FAR2: variants seen among roughly 807,000 people sequenced by gnomAD.
FAR2 encodes epididymis secretory protein Li 81.
Under a neutral mutation model 56.0 loss-of-function variants are expected in FAR2, and 19 were observed. The observed-to-expected ratio is 0.34, with a 90% CI of 0.24 to 0.50. The LOEUF (loss-of-function observed/expected upper bound fraction) is 0.50. Among genes scored for constraint, FAR2 ranks in the 20% least tolerant of loss-of-function variants. The pLI is 0.98. For synonymous variants in FAR2, 219 were observed against 218.8 expected, an observed-to-expected ratio of 1.00 and a Z score of -0.01; for missense variants, 508 against 642.2, an observed-to-expected ratio of 0.79 and a Z score of 2.26.
At position 29,270,547 on chromosome 12, in the gene FAR2, C is replaced by A. The variant is rs200649323; in HGVS notation, c.98C>A (p.Thr33Asn). 7 of 1,613,970 alleles carry A rather than the reference C, an allele frequency of 4.3e-6. No homozygotes were observed. The highest frequency in any genetic ancestry group is 1.7e-5 in the Admixed American group (1 of 60,012). The change falls in exon 2 of 12, where the codon ACC (threonine) becomes AAC (asparagine). Residue 33 changes from threonine (T) to asparagine (N), a missense_variant. Coordinates refer to ENST00000536681, the MANE Select transcript of FAR2 (RefSeq NM_001271783.2). ...GKVLMEKLFR[T>N]SPDLKVIYIL... Reference sequence around the variant, plus strand: ...GTGCTGATGGAGAAGCTGTTTCGCACCAGCCCAGACCTGAAAGTCATTTAC... The same window carrying A: ...GTGCTGATGGAGAAGCTGTTTCGCAACAGCCCAGACCTGAAAGTCATTTAC...
At chr12:29,281,794 G>A (rs1434638760) in intron 2 of FAR2, among the ~76,000 whole-genome samples, 1 of 151,638 alleles carries the variant, frequency 6.6e-6, no homozygotes, top group Non-Finnish European at 1.5e-5. Flanking sequence ...AATAAGTGTT[G>A]GCTGAGTGCC....
chr12:29,230,332 G>T (rs118112903), intron 1 of FAR2, among the ~76,000 whole-genome samples: 1 of 151,972 alleles, frequency 6.6e-6, no homozygotes, highest in Non-Finnish European at 1.5e-5. Context: ...CCTCTGGGTA[G>T]GGGGAGGAGT....
chr12:29,270,461 T>A lies in FAR2; in HGVS notation c.12T>A (p.Ile4=). MST[I]AAFYGGKSIL... ...GAAAGGGAGGAATCATGTCCACAATTGCAGCTTTCTATGGCGGCAAGTCCA... is the reference window on the plus strand; with the variant it reads ...GAAAGGGAGGAATCATGTCCACAATAGCAGCTTTCTATGGCGGCAAGTCCA... The change falls in exon 2 of 12, where the codon ATT becomes ATA. Residue 4 remains isoleucine (I), a synonymous_variant. Coordinates refer to ENST00000536681, the MANE Select transcript of FAR2 (RefSeq NM_001271783.2). The A allele has an allele frequency of 6.3e-7, 1 of 1,586,090 alleles. No homozygotes were observed. Among genetic ancestry groups the A allele is most frequent in the Non-Finnish European group, 8.6e-7 (1 of 1,160,456 alleles).
At chr12:29,164,574 C>T (rs770117801) in intron 1 of FAR2, among the ~76,000 whole-genome samples, 34 of 152,026 alleles carry the variant, frequency 2.2e-4, no homozygotes, top group Non-Finnish European at 3.7e-4. Flanking sequence ...CTGGACACCC[C>T]GGCTGGCCCT....
chr12:29,314,136 T>A (rs767298660), intron 8 of FAR2, among the ~76,000 whole-genome samples: 1 of 152,210 alleles, frequency 6.6e-6, no homozygotes, highest in Admixed American at 6.5e-5. Flanking sequence ...AATTGCCAAA[T>A]TAAACTTTCT....
intron 1 of FAR2, among the ~76,000 whole-genome samples, chr12:29,190,508 A>T (rs867732888): frequency 6.6e-6 from 1 of 152,146 alleles, no homozygotes. Context: ...CTTGTTGCCC[A>T]TGCTGGAGTG....
intron 1 of FAR2, 81 bp from the exon 2 acceptor site, chr12:29,270,331 A>T: frequency 9.0e-7 from 1 of 1,111,708 alleles, no homozygotes; most frequent in Non-Finnish European, 1.2e-6. Context: ...AAGCTCTTGG[A>T]AGCAACAGAA....
intron 2 of FAR2, 148 bp from the exon 3 acceptor site, chr12:29,293,152 C>A (rs1721142701): frequency 1.6e-6 from 1 of 606,116 alleles, no homozygotes; most frequent in Non-Finnish European, 2.6e-6. Context: ...CAGGCATATG[C>A]CACCATGCCC....
At chr12:29,265,538 A>G (rs745996268) in intron 1 of FAR2, among the ~76,000 whole-genome samples, 1 of 152,238 alleles carries the variant, frequency 6.6e-6, no homozygotes, top group Non-Finnish European at 1.5e-5. Flanking sequence ...AAATTGGATT[A>G]AAAACTTAAA....
intron 1 of FAR2, chr12:29,157,106 T>TTATATATATATATATATA (rs5797307): frequency 9.5e-5 from 7 of 73,450 alleles, no homozygotes; most frequent in Non-Finnish European, 1.5e-4. Context: ...AAAGAACATT[T>TTATATATATATATATATA]TATATATATA....
chr12:29,203,995 ATC>A lies in FAR2; in HGVS notation c.-39+54591_-39+54592del, dbSNP rs1301725835. On this transcript the variant is annotated intron_variant, in intron 1 of 11. Transcript: ENST00000536681. The stretch of plus-strand genomic sequence containing the variant: ...AGCCTGGGAGAGAGAGTGAGATTCC[ATC>A]TCAAAAAAAAAAAAAAAAAAAAAAA... Among the ~76,000 whole-genome samples the A allele has an allele frequency of 6.8e-3, 571 of 84,564 alleles. 7 individuals carry two copies. Among genetic ancestry groups the A allele is most frequent in the South Asian group, 0.016 (37 of 2,256 alleles). The allele number at this position is 84,564 out of a possible 152,430, so 55.5% of individuals were successfully genotyped here. A position where few individuals can be genotyped will look rare whatever the true frequency, so the allele number is the denominator to read the frequency against.
At chr12:29,220,456 T>C (rs919745799) in intron 1 of FAR2, among the ~76,000 whole-genome samples, 2 of 152,228 alleles carry the variant, frequency 1.3e-5, no homozygotes, top group South Asian at 4.1e-4. Flanking sequence ...TACGTTTCTC[T>C]ATTAATTTAA....
At chr12:29,274,313 G>C (rs1361552776) in intron 2 of FAR2, among the ~76,000 whole-genome samples, 2 of 150,788 alleles carry the variant, frequency 1.3e-5, no homozygotes, top group Admixed American at 6.6e-5. Context: ...TTGTCCTTGT[G>C]ATAGTTTGCT....
At chr12:29,303,562 T>C (rs7957339) in intron 4 of FAR2, among the ~76,000 whole-genome samples, 46,992 of 151,994 alleles carry the variant, frequency 0.31, 7,363 homozygotes, top group East Asian at 0.35. Context: ...AGGGTGCAGG[T>C]GTGAGAGGCA....
intron 1 of FAR2, among the ~76,000 whole-genome samples, chr12:29,259,742 C>G (rs543771031): frequency 1.3e-5 from 2 of 152,186 alleles, no homozygotes; most frequent in Non-Finnish European, 2.9e-5. Context: ...TGCTAACCCC[C>G]ATGCCTAGAC....
intron 1 of FAR2, among the ~76,000 whole-genome samples, chr12:29,149,672 G>A (rs1268377457): frequency 1.3e-5 from 2 of 152,236 alleles, no homozygotes; most frequent in African/African-American, 2.4e-5. Flanking sequence ...GCCCGCCAAG[G>A]TGGGGCGCGC....
rs375769264 is a variant in FAR2, at chr12:29,270,657, C to T, written c.189+19C>T. The T allele has an allele frequency of 2.1e-5, 34 of 1,581,980 alleles. No individual in the cohort carries two copies. Among genetic ancestry groups the T allele is most frequent in the Admixed American group, 1.0e-4 (6 of 58,352 alleles). On this transcript the variant is annotated intron_variant, in intron 2 of 11. Coordinates refer to ENST00000536681, the MANE Select transcript of FAR2 (RefSeq NM_001271783.2). The stretch of plus-strand genomic sequence containing the variant: ...CAGTAAGGTATGCCTTATAGGAAAG[C>T]GTGTGTGATGGGCAATGCCTTAGGG...
chr12:29,296,036 G>A (rs1410162748), intron 3 of FAR2, among the ~76,000 whole-genome samples: 1 of 151,976 alleles, frequency 6.6e-6, no homozygotes, highest in Non-Finnish European at 1.5e-5. Context: ...CCAAAGTGCT[G>A]GGATTACAGG....
intron 2 of FAR2, among the ~76,000 whole-genome samples, chr12:29,284,885 A>AG (rs1282269447): frequency 6.6e-6 from 1 of 152,076 alleles, no homozygotes; most frequent in Non-Finnish European, 1.5e-5. Context: ...TCTGTCGCCC[A>AG]GGCTGGAGTG....
Sources: gnomAD v4.1 joint callset for allele counts (sites outside exome capture counted in the v4.1 genomes callset) on GRCh38, gnomAD v4.1.1 for gene constraint, MANE v1.5 for transcripts, NCBI Gene and HGNC (gene_info 2026-07-23, HGNC 2026-07-21) for gene names.